Variants in WDR72 observed in about 807,000 individuals in gnomAD.
The protein encoded by WDR72 is WD repeat-containing protein 72.
A neutral mutation model predicts 124.2 loss-of-function variants in WDR72; 120 were observed. That is an observed-to-expected ratio of 0.97 (90% CI 0.83 to 1.12). WDR72 has a LOEUF of 1.12. Among genes scored for constraint, WDR72 ranks in the 50% most tolerant of loss-of-function variants. The pLI, the probability that WDR72 is intolerant of heterozygous loss-of-function variation, is 0.00. For synonymous variants in WDR72, 452 were observed against 441.7 expected, an observed-to-expected ratio of 1.02 and a Z score of -0.29; for missense variants, 1,387 against 1,278.8, an observed-to-expected ratio of 1.08 and a Z score of -1.29.
intron 14 of WDR72, among the ~76,000 whole-genome samples, chr15:53,632,276 A>ACTGC (rs2014458945): frequency 6.6e-6 from 1 of 152,104 alleles, no homozygotes; most frequent in Non-Finnish European, 1.5e-5. Flanking sequence ...AGCTTGGGCC[A>ACTGC]CTGCTTCAGA....
intron 18 of WDR72, among the ~76,000 whole-genome samples, chr15:53,576,158 A>G (rs1894746979): frequency 6.6e-6 from 1 of 152,128 alleles, no homozygotes; most frequent in Non-Finnish European, 1.5e-5. Context: ...CTCTTATGAC[A>G]TTGCGTTATA....
intron 1 of WDR72, among the ~76,000 whole-genome samples, chr15:53,735,645 C>G (rs910760590): frequency 7.3e-6 from 1 of 136,920 alleles, no homozygotes; most frequent in Non-Finnish European, 1.5e-5. Flanking sequence ...GACACTCTCA[C>G]TATCAAGAGT....
At chr15:53,698,246 G>C (rs1386649013) in intron 13 of WDR72, among the ~76,000 whole-genome samples, 1 of 152,046 alleles carries the variant, frequency 6.6e-6, no homozygotes, top group Admixed American at 6.6e-5. Context: ...TGGGAAAAGG[G>C]GACCATAAAC....
chr15:53,762,191 A>G (rs117191110), upstream of WDR72, among the ~76,000 whole-genome samples: 10 of 152,274 alleles, frequency 6.6e-5, no homozygotes, highest in African/African-American at 2.4e-4. Flanking sequence ...GGCCCAAGTA[A>G]GATCACAGGT....
chr15:53,647,440 A>G (rs1234692183), intron 14 of WDR72, among the ~76,000 whole-genome samples: 1 of 152,100 alleles, frequency 6.6e-6, no homozygotes. Context: ...ACCTAAGGAG[A>G]TCCTTAACTT....
chr15:53,685,003 G>C (rs922151264), intron 13 of WDR72, among the ~76,000 whole-genome samples: 3 of 152,180 alleles, frequency 2.0e-5, no homozygotes, highest in Admixed American at 6.5e-5. Flanking sequence ...TGAGGGTCCT[G>C]TCTGTTAGAA....
chr15:53,573,463 TA>T (rs1894631881), intron 18 of WDR72, among the ~76,000 whole-genome samples: 1 of 152,216 alleles, frequency 6.6e-6, no homozygotes, highest in African/African-American at 2.4e-5. Flanking sequence ...TGCTATTCCA[TA>T]AATGTCATTT....
intron 18 of WDR72, among the ~76,000 whole-genome samples, chr15:53,576,601 C>T (rs1425709832): frequency 6.6e-6 from 1 of 152,054 alleles, no homozygotes; most frequent in Non-Finnish European, 1.5e-5. Context: ...TCTTCCCCCA[C>T]CCCTAAAAAT....
At chr15:53,541,576 C>T (rs879179175) in intron 18 of WDR72, among the ~76,000 whole-genome samples, 2 of 151,316 alleles carry the variant, frequency 1.3e-5, no homozygotes, top group Admixed American at 6.6e-5. Flanking sequence ...TACTCTAAAA[C>T]GCAGAGCGCC....
chr15:53,679,377 C>A (rs1395829797), intron 13 of WDR72, among the ~76,000 whole-genome samples: 1 of 152,128 alleles, frequency 6.6e-6, no homozygotes. Context: ...AATAAAAAAG[C>A]ATCTGTGTTA....
chr15:53,735,291 A>G (rs4479174), intron 1 of WDR72, among the ~76,000 whole-genome samples: 18,582 of 152,076 alleles, frequency 0.12, 1,493 homozygotes, highest in Middle Eastern at 0.19. Context: ...ACAGGGGGGA[A>G]AAAAAAGACC....
intron 1 of WDR72, among the ~76,000 whole-genome samples, chr15:53,737,499 TA>T (rs1232651199): frequency 6.6e-6 from 1 of 151,940 alleles, no homozygotes; most frequent in Non-Finnish European, 1.5e-5. Context: ...CAAATAGTAA[TA>T]AAAGAAAACT....
chr15:53,697,296 G>A (rs1325912813), intron 13 of WDR72, among the ~76,000 whole-genome samples: 6 of 151,798 alleles, frequency 4.0e-5, no homozygotes, highest in Admixed American at 3.9e-4. Flanking sequence ...TTCCTTTTTT[G>A]TGCACAGGGA....
intron 12 of WDR72, among the ~76,000 whole-genome samples, chr15:53,701,793 T>TA (rs1313446588): frequency 2.0e-5 from 3 of 151,488 alleles, no homozygotes; most frequent in Admixed American, 6.6e-5. Context: ...TCTACTTTTT[T>TA]AAAAAAAAGA....
chr15:53,653,520 T>C (rs1323438957), intron 14 of WDR72, among the ~76,000 whole-genome samples: 1 of 152,188 alleles, frequency 6.6e-6, no homozygotes, highest in East Asian at 1.9e-4. Flanking sequence ...GTTTCTTTAA[T>C]GAGGCCAAAT....
At chr15:53,684,923 C>T (rs1352057877) in intron 13 of WDR72, among the ~76,000 whole-genome samples, 1 of 152,136 alleles carries the variant, frequency 6.6e-6, no homozygotes, top group African/African-American at 2.4e-5. Context: ...AGCAGCCTAA[C>T]TGGGAGGCAC....
chr15:53,655,632 T>C (rs1395357792), intron 14 of WDR72, among the ~76,000 whole-genome samples: 1 of 151,902 alleles, frequency 6.6e-6, no homozygotes, highest in Non-Finnish European at 1.5e-5. Flanking sequence ...GGCCACGTTT[T>C]ATATAACGAC....
At position 53,686,401 on chromosome 15, in the gene WDR72, G is replaced by T. The variant is rs1453305009; in HGVS notation, c.1765+13349C>A. Among the ~76,000 whole-genome samples, 4 of 149,828 alleles carry T rather than the reference G, an allele frequency of 2.7e-5. No individual in the cohort carries two copies. The South Asian group carries it at 8.5e-4, about 32-fold the overall frequency. ...CAAATGGAAAACAAAAAAAGGCAGG[G>T]GTTGCAATCCTAGTCTCTGATAAAA... On this transcript the variant is annotated intron_variant, in intron 13 of 19. Transcript: ENST00000360509.
At position 53,715,355 on chromosome 15, in the gene WDR72, A is replaced by G; in HGVS notation, c.352T>C (p.Ser118Pro). ...RHTAICYYHC[S>P]FRMTGEGWLL... ...CAGCCTTCTCCTGTCATCCGGAATG[A>G]GCAGTGGTAATACTACGTACATGGA... is the stretch of plus-strand genomic sequence containing the variant. The change falls in exon 5 of 20, where the codon TCA becomes CCA. Residue 118 changes from serine (S) to proline (P), a missense_variant. Ser to Pro is a moderately conservative substitution (Grantham distance 74). Coordinates refer to ENST00000360509, the MANE Select transcript of WDR72 (RefSeq NM_182758.4). 6.2e-7 allele frequency: 1 copy of G among 1,614,162 alleles called. No homozygotes were observed. The highest frequency in any genetic ancestry group is 8.5e-7 in the Non-Finnish European group (1 of 1,180,006).
Sources: gnomAD v4.1 joint callset for allele counts (sites outside exome capture counted in the v4.1 genomes callset) on GRCh38, gnomAD v4.1.1 for gene constraint, MANE v1.5 for transcripts, NCBI Gene and HGNC (gene_info 2026-07-23, HGNC 2026-07-21) for gene names.